Variants in ELOA2 observed in about 807,000 individuals in gnomAD.
ELOA2 encodes elongin A2, also known as elongin-A2.
For missense variants in ELOA2, 1,271 were observed against 979.7 expected (o/e 1.30, Z -3.97); for synonymous variants, 497 against 398.8 (o/e 1.25, Z -2.94).
chr18:47,035,314 T>C lies in ELOA2; in HGVS notation c.-50A>G. Reference sequence around the variant, plus strand: ...CTGTCCCGGCGGTCGCAGCTCTGTCTTTGGGGCTGCGGGACAGGAAGTCTG... The same window carrying C: ...CTGTCCCGGCGGTCGCAGCTCTGTCCTTGGGGCTGCGGGACAGGAAGTCTG... On this transcript the variant is annotated 5_prime_UTR_variant, in exon 1 of 1. Transcript: ENST00000332567. 1 of 1,610,156 alleles carries C rather than the reference T, an allele frequency of 6.2e-7. No homozygotes were observed. Among genetic ancestry groups the C allele is most frequent in the South Asian group, 1.1e-5 (1 of 90,924 alleles).
rs1244699447 is a variant in ELOA2 at position 47,035,293 on chromosome 18, C to G, written c.-29G>C. The G allele has an allele frequency of 1.2e-6, 2 of 1,611,834 alleles. No individual in the cohort carries two copies. The highest frequency in any genetic ancestry group is 2.2e-5 in the South Asian group (2 of 90,982). ...ACCAGAGCTGTGCAGGCGTCGCTGT[C>G]CCGGCGGTCGCAGCTCTGTCTTTGG... On this transcript the variant is annotated 5_prime_UTR_variant, in exon 1 of 1. Coordinates refer to ENST00000332567, the MANE Select transcript of ELOA2 (RefSeq NM_016427.3).
At chr18:47,034,685 C>A in the ELOA2 span, 1 of 1,613,318 alleles carries the variant, frequency 6.2e-7, no homozygotes, top group Non-Finnish European at 8.5e-7. Context: ...TGGCCTCTTC[C>A]GGGTTGCTTC....
Position 47,034,804 on chromosome 18 carries a change from T to C in ELOA2, c.461A>G (p.Glu154Gly). The C allele has an allele frequency of 6.2e-7, 1 of 1,612,284 alleles. No homozygotes were observed. Among genetic ancestry groups the C allele is most frequent in the Non-Finnish European group, 8.5e-7 (1 of 1,179,702 alleles). The change falls in exon 1 of 1, where the codon GAG (glutamate) becomes GGG (glycine). Residue 154 changes from glutamate (E) to glycine (G), a missense_variant. Coordinates refer to ENST00000332567, the MANE Select transcript of ELOA2 (RefSeq NM_016427.3). Reference protein sequence around the residue: ...PRSHSREPRAERKCPRIAPAD... With the variant: ...PRSHSREPRAGRKCPRIAPAD... Reference sequence around the variant, plus strand: ...TGGGGCTATTCTGGGGCACTTTCTCTCAGCTCTGGGCTCGCGACTGTGAGA... The same window carrying C: ...TGGGGCTATTCTGGGGCACTTTCTCCCAGCTCTGGGCTCGCGACTGTGAGA...
At position 47,034,528 on chromosome 18, in the gene ELOA2, G is replaced by C; in HGVS notation, c.737C>G (p.Pro246Arg). 5 of 1,614,204 alleles carry C rather than the reference G, an allele frequency of 3.1e-6. No individual in the cohort carries two copies. Among genetic ancestry groups the C allele is most frequent in the Non-Finnish European group, 4.2e-6 (5 of 1,180,014 alleles). ...PLCAQGDWHS[P>R]TLIREKSCGA... Reference sequence around the variant, plus strand: ...GCATGATTTCTCCCTGATCAAAGTAGGGGAGTGCCAATCTCCCTGGGCACA... The same window carrying C: ...GCATGATTTCTCCCTGATCAAAGTACGGGAGTGCCAATCTCCCTGGGCACA... The change falls in exon 1 of 1, where the codon CCT becomes CGT. Residue 246 changes from proline to arginine, a missense_variant. Coordinates refer to ENST00000332567, the MANE Select transcript of ELOA2 (RefSeq NM_016427.3).
At position 47,034,729 on chromosome 18, in the gene ELOA2, C is replaced by A. The variant is rs2571028; in HGVS notation, c.536G>T (p.Arg179Leu). 9.9e-6 allele frequency: 16 copies of A among 1,611,816 alleles called. No individual in the cohort carries two copies. The Admixed American group carries it at 1.0e-4, about 10-fold the overall frequency. ...AGCGGGCTCAGGGCCCTCGGGCATCCGGAGGGGAGCTGTGCGCGTTGGAGA... is the reference window on the plus strand; with the variant it reads ...AGCGGGCTCAGGGCCCTCGGGCATCAGGAGGGGAGCTGTGCGCGTTGGAGA... Reference protein sequence around the residue: ...RASPTRTAPLRMPEGPEPAAP... With the variant: ...RASPTRTAPLLMPEGPEPAAP... Residue 179 changes from arginine (R) to leucine (L), a missense_variant, in exon 1 of 1, where the codon CGG becomes CTG. By Grantham distance (102) the Arg-to-Leu change is moderately radical. Coordinates refer to ENST00000332567, the MANE Select transcript of ELOA2 (RefSeq NM_016427.3).
Position 47,034,593 on chromosome 18 carries a change from G to T in ELOA2, c.672C>A (p.Ser224Arg). The change falls in exon 1 of 1, where the codon AGC (serine) becomes AGA (arginine). Residue 224 changes from serine to arginine, a missense_variant. Ser to Arg is a moderately radical substitution (Grantham distance 110). Transcript: ENST00000332567. ...CCTGGCGAGACGATTTGTGCCCCTT[G>T]CTGTGGCTCACAACGGCTTTCCCCT... is the stretch of plus-strand genomic sequence containing the variant. ...QPQGKAVVSH[S>R]KGHKSSRQEK... The T allele has an allele frequency of 6.2e-7, 1 of 1,614,180 alleles. No homozygotes were observed.
Position 47,033,764 on chromosome 18 carries a change from C to G in ELOA2, c.1501G>C (p.Ala501Pro), listed in dbSNP as rs2095963684. 6.2e-7 allele frequency: 1 copy of G among 1,614,232 alleles called. No homozygotes were observed. The highest frequency in any genetic ancestry group is 1.7e-5 in the Admixed American group (1 of 60,038). The change falls in exon 1 of 1, where the codon GCT becomes CCT. Residue 501 changes from alanine (A) to proline (P), a missense_variant. By Grantham distance (27) the Ala-to-Pro change is conservative. Coordinates refer to ENST00000332567, the MANE Select transcript of ELOA2 (RefSeq NM_016427.3). ...TTCACTCTGCGTCCAGGGAAAGCAG[C>G]TTCCTCCCGGAACTTTGGTGAAGAG... ...ALSSPKFREEAAFPGRRVNAK... is the reference protein window; with the variant it reads ...ALSSPKFREEPAFPGRRVNAK...
At position 47,033,111 on chromosome 18, in the gene ELOA2, A is replaced by T. The variant is rs201659207; in HGVS notation, c.2154T>A (p.Asn718Lys). ...TTTTGGCCGCGGGCGCCGCGTGCTC[A>T]TTGCTGCTGCTCAGGCAGGGGTTGG... ...KRANPCLSSS[N>K]EHAAPAAKTR... Residue 718 changes from asparagine (N) to lysine (K), a missense_variant, in exon 1 of 1, where the codon AAT becomes AAA. By Grantham distance (94) the Asn-to-Lys change is moderately conservative. Transcript: ENST00000332567. 1 of 1,614,064 alleles carries T rather than the reference A, an allele frequency of 6.2e-7. No homozygotes were observed. The highest frequency in any genetic ancestry group is 1.1e-5 in the South Asian group (1 of 91,074).
In ELOA2 at chr18:47,035,614, A is replaced by C; in HGVS notation, c.-350T>G. 1 of 478,208 alleles carries C rather than the reference A, an allele frequency of 2.1e-6. No individual in the cohort carries two copies. The highest frequency in any genetic ancestry group is 3.9e-6 in the Non-Finnish European group (1 of 255,208). The allele number at this position is 478,208 out of a possible 1,614,324, so 29.6% of individuals were successfully genotyped here. A position where few individuals can be genotyped will look rare whatever the true frequency, so the allele number is the denominator to read the frequency against. On this transcript the variant is annotated 5_prime_UTR_variant, in exon 1 of 1. Transcript: ENST00000332567. ...GCTGACACTCACGGCTCTAGCCCTG[A>C]CCCTCTTAGCTCTTGGGCTGCCCCG...
At chr18:47,033,153 C>T in the ELOA2 span, 1 of 1,614,076 alleles carries the variant, frequency 6.2e-7, no homozygotes, top group African/African-American at 1.3e-5. Context: ...TCTCAGGGAG[C>T]CAGCGAAGGA....
chr18:47,033,793 G>A lies in ELOA2; in HGVS notation c.1472C>T (p.Ala491Val). 1 of 1,614,230 alleles carries A rather than the reference G, an allele frequency of 6.2e-7. No homozygotes were observed. Among genetic ancestry groups the A allele is most frequent in the Non-Finnish European group, 8.5e-7 (1 of 1,180,050 alleles). Reference sequence around the variant, plus strand: ...CTCCCGGAACTTTGGTGAAGAGAGTGCTTCTGGCTTTGCCTGGGAGGTCAT... The same window carrying A: ...CTCCCGGAACTTTGGTGAAGAGAGTACTTCTGGCTTTGCCTGGGAGGTCAT... ...DSMTSQAKPE[A>V]LSSPKFREEA... Residue 491 changes from alanine to valine, a missense_variant, in exon 1 of 1, where the codon GCA becomes GTA. Ala to Val is a moderately conservative substitution (Grantham distance 64). Transcript: ENST00000332567.
Position 47,034,326 on chromosome 18 carries a change from C to T in ELOA2, c.939G>A (p.Ser313=), listed in dbSNP as rs377063771. ...CGTCTAGACTGGGCCTCTTCTTGTT[C>T]GAGTGACTGTGCTGAGGCCTCTTCT... ...SHQKRPQHSH[S]NKKRPSLDGR... is the part of the protein sequence containing the mutation. The change falls in exon 1 of 1, where the codon TCG becomes TCA. Residue 313 remains serine (S), a synonymous_variant. Coordinates refer to ENST00000332567, the MANE Select transcript of ELOA2 (RefSeq NM_016427.3). 1.9e-6 allele frequency: 3 copies of T among 1,612,688 alleles called. No homozygotes were observed. The highest frequency in any genetic ancestry group is 2.2e-5 in the East Asian group (1 of 44,818).
At position 47,033,973 on chromosome 18, in the gene ELOA2, G is replaced by T; in HGVS notation, c.1292C>A (p.Pro431His). The T allele has an allele frequency of 1.2e-6, 2 of 1,613,456 alleles. No individual in the cohort carries two copies. Among genetic ancestry groups the T allele is most frequent in the Non-Finnish European group, 1.7e-6 (2 of 1,180,044 alleles). Residue 431 changes from proline to histidine, a missense_variant, in exon 1 of 1, where the codon CCT becomes CAT. By Grantham distance (77) the Pro-to-His change is moderately conservative. Coordinates refer to ENST00000332567, the MANE Select transcript of ELOA2 (RefSeq NM_016427.3). ...CTCTGACTGGCTTTCCTGGACAGGA[G>T]GCAATTTCTTAGCCGAATCCCAGGA... ...RESWDSAKKL[P>H]PVQESQSERL...
the ELOA2 span, chr18:47,033,301 GA>G: frequency 6.2e-7 from 1 of 1,613,594 alleles, no homozygotes; most frequent in African/African-American, 1.3e-5. Context: ...TTGCCTCCTT[GA>G]AGTATCATAA....
chr18:47,035,055 C>A lies in ELOA2; in HGVS notation c.210G>T (p.Ala70=), dbSNP rs549058301. 176 of 1,611,708 alleles carry A rather than the reference C, an allele frequency of 1.1e-4. 1 individual carries two copies. The Admixed American group carries it at 2.9e-3, about 27-fold the overall frequency. Residue 70 remains alanine, a synonymous_variant, in exon 1 of 1, where the codon GCG becomes GCT. Transcript: ENST00000332567. ...CGAGCACCAGCTTCTTCCACCGGGC[C>A]GCTAAGTCTCTGGCAAAGTCGCCCA... is the stretch of plus-strand genomic sequence containing the variant. ...QHVGDFARDL[A]ARWKKLVLVD...
Position 47,032,839 on chromosome 18 carries a change from G to T in ELOA2, c.*164C>A, listed in dbSNP as rs2060539016. ...TGGGAGGTAGTGGCTGGGTGTGGGA[G>T]GCAAAATCACAGGGCCAGCACATGA... On this transcript the variant is annotated 3_prime_UTR_variant, in exon 1 of 1. Coordinates refer to ENST00000332567, the MANE Select transcript of ELOA2 (RefSeq NM_016427.3). 1 of 1,391,906 alleles carries T rather than the reference G, an allele frequency of 7.2e-7. No homozygotes were observed. Among genetic ancestry groups the T allele is most frequent in the Admixed American group, 2.2e-5 (1 of 44,756 alleles). 86.2% of individuals were successfully genotyped at this position (1,391,906 alleles called of 1,614,324 possible). A position where few individuals can be genotyped will look rare whatever the true frequency, so the allele number is the denominator to read the frequency against.
chr18:47,034,898 A>G lies in ELOA2; in HGVS notation c.367T>C (p.Ser123Pro), dbSNP rs193920804. ...PENATAPRSP[S>P]HSPEHRRTAR... The stretch of plus-strand genomic sequence containing the variant: ...GTCCGTCTGTGCTCAGGGCTGTGAG[A>G]TGGGCTCCTGGGGGCCGTCGCGTTT... The change falls in exon 1 of 1, where the codon TCT becomes CCT. Residue 123 changes from serine to proline, a missense_variant. Ser to Pro is a moderately conservative substitution (Grantham distance 74). Coordinates refer to ENST00000332567, the MANE Select transcript of ELOA2 (RefSeq NM_016427.3). 2 of 1,611,898 alleles carry G rather than the reference A, an allele frequency of 1.2e-6. No individual in the cohort carries two copies. The highest frequency in any genetic ancestry group is 1.7e-6 in the Non-Finnish European group (2 of 1,179,888).
chr18:47,034,972 C>A lies in ELOA2; in HGVS notation c.293G>T (p.Arg98Leu). 1 of 1,611,666 alleles carries A rather than the reference C, an allele frequency of 6.2e-7. No homozygotes were observed. Among genetic ancestry groups the A allele is most frequent in the African/African-American group, 1.3e-5 (1 of 74,946 alleles). ...QDPEESASRQ[R>L]FGEALQDQEK... ...CTGGTCCTGAAGAGCCTCCCCGAAGCGCTGTCGGGAAGCGCTCTCCTCAGG... is the reference window on the plus strand; with the variant it reads ...CTGGTCCTGAAGAGCCTCCCCGAAGAGCTGTCGGGAAGCGCTCTCCTCAGG... Residue 98 changes from arginine to leucine, a missense_variant, in exon 1 of 1, where the codon CGC becomes CTC. Coordinates refer to ENST00000332567, the MANE Select transcript of ELOA2 (RefSeq NM_016427.3).
rs1168343015 is a variant in ELOA2, at chr18:47,035,123, C to T, written c.142G>A (p.Gly48Arg). 3 of 1,611,554 alleles carry T rather than the reference C, an allele frequency of 1.9e-6. No homozygotes were observed. Among genetic ancestry groups the T allele is most frequent in the Admixed American group, 3.3e-5 (2 of 59,908 alleles). The change falls in exon 1 of 1, where the codon GGA becomes AGA. Residue 48 changes from glycine to arginine, a missense_variant. Physicochemically the swap from Gly to Arg is moderately radical, Grantham distance 125. Coordinates refer to ENST00000332567, the MANE Select transcript of ELOA2 (RefSeq NM_016427.3). ...PMTADILAETGIRKTVKRLRK... is the reference protein window; with the variant it reads ...PMTADILAETRIRKTVKRLRK... ...AGGCGCTTCACCGTCTTTCTGATTC[C>T]AGTCTCCGCCAGGATGTCTGCCGTC...
Sources: allele counts gnomAD v4.1 joint callset, GRCh38; gene constraint gnomAD v4.1.1; transcripts MANE v1.5; gene names NCBI Gene and HGNC (gene_info 2026-07-23, HGNC 2026-07-21).